CDH22: variants seen among roughly 807,000 people sequenced by gnomAD.
The protein encoded by CDH22 is cadherin 22, also known as cadherin-22.
CDH22 carries 30 observed loss-of-function variants against 58.4 expected under a neutral mutation model. The ratio of observed to expected loss-of-function variants is 0.51; its 90% CI spans 0.38 to 0.70. The LOEUF is 0.70. Among genes scored for constraint, CDH22 ranks in the 30% least tolerant of loss-of-function variants. The pLI, the probability that CDH22 is intolerant of heterozygous loss-of-function variation, is 0.00. For missense variants in CDH22, 1,014 were observed against 1,233.9 expected, an observed-to-expected ratio of 0.82 and a Z score of 2.67; for synonymous variants, 513 against 558.2, an observed-to-expected ratio of 0.92 and a Z score of 1.14.
chr20:46,199,968 T>C (rs2085944215), intron 7 of CDH22, among the ~76,000 whole-genome samples: 1 of 152,044 alleles, frequency 6.6e-6, no homozygotes, highest in Non-Finnish European at 1.5e-5. Flanking sequence ...GTTTATTTAT[T>C]TTATTTTATT....
At chr20:46,180,923 G>GTT (rs1323741083) in intron 10 of CDH22, among the ~76,000 whole-genome samples, 3 of 96,134 alleles carry the variant, frequency 3.1e-5, no homozygotes, top group African/African-American at 1.3e-4. Flanking sequence ...TTTAAAGTTT[G>GTT]TTTTGTGTGT....
intron 1 of CDH22, among the ~76,000 whole-genome samples, chr20:46,266,543 C>T (rs1438306040): frequency 6.6e-6 from 1 of 152,180 alleles, no homozygotes; most frequent in Non-Finnish European, 1.5e-5. Flanking sequence ...TCCCTTAGCC[C>T]CTTCTCTGTC....
chr20:46,263,406 C>CTA (rs1555806371), intron 1 of CDH22, among the ~76,000 whole-genome samples: 4 of 150,378 alleles, frequency 2.7e-5, no homozygotes, highest in Non-Finnish European at 4.4e-5. Flanking sequence ...GCCTTCCATT[C>CTA]TGTGTGTGTG....
intron 4 of CDH22, among the ~76,000 whole-genome samples, chr20:46,224,135 G>A (rs994855632): frequency 6.6e-6 from 1 of 152,206 alleles, no homozygotes; most frequent in Non-Finnish European, 1.5e-5. Flanking sequence ...TTACAGGCAT[G>A]AGTCACCATG....
At chr20:46,193,970 AGAGT>A (rs1459593567) in intron 8 of CDH22, among the ~76,000 whole-genome samples, 1 of 152,178 alleles carries the variant, frequency 6.6e-6, no homozygotes, top group Non-Finnish European at 1.5e-5. Context: ...CCTGGGTAAC[AGAGT>A]GAGAGCCCCC....
At chr20:46,263,371 G>T (rs1440913000) in intron 1 of CDH22, among the ~76,000 whole-genome samples, 1 of 151,746 alleles carries the variant, frequency 6.6e-6, no homozygotes, top group East Asian at 1.9e-4. Context: ...CAGTTAGAAA[G>T]TCAGACAAAG....
intron 4 of CDH22, among the ~76,000 whole-genome samples, chr20:46,223,876 T>C (rs1053453431): frequency 8.7e-5 from 13 of 148,928 alleles, no homozygotes; most frequent in Non-Finnish European, 1.6e-4. Flanking sequence ...CTTTTTGAGA[T>C]GGAGTCTTGC....
chr20:46,217,556 C>T (rs2086094630), intron 4 of CDH22, among the ~76,000 whole-genome samples: 1 of 152,158 alleles, frequency 6.6e-6, no homozygotes, highest in East Asian at 1.9e-4. Context: ...CATGCTGCCA[C>T]TCATACACTC....
intron 4 of CDH22, among the ~76,000 whole-genome samples, chr20:46,226,311 G>T (rs200226014): frequency 5.2e-5 from 7 of 133,662 alleles, no homozygotes; most frequent in African/African-American, 2.0e-4. Flanking sequence ...TTTGAGACAG[G>T]GTCTTGCTCT....
chr20:46,178,037 G>T lies in CDH22; in HGVS notation c.1824C>A (p.Ile608=). ...CAAAGGCCGTGGTGTTGCAGGACTG[G>T]ATGGTGCCGGAGCTGTCGCAGCCAC... is the stretch of plus-strand genomic sequence containing the variant. ...RICGCDSSGT[I]QSCNTTAFVM... The change falls in exon 11 of 12, where the codon ATC becomes ATA. Residue 608 remains isoleucine, a synonymous_variant. Coordinates refer to ENST00000537909, the MANE Select transcript of CDH22 (RefSeq NM_021248.3). 1 of 1,613,962 alleles carries T rather than the reference G, an allele frequency of 6.2e-7. No homozygotes were observed. The highest frequency in any genetic ancestry group is 8.5e-7 in the Non-Finnish European group (1 of 1,179,984).
At chr20:46,298,117 A>G (rs1347436912) in intron 1 of CDH22, among the ~76,000 whole-genome samples, 1 of 152,218 alleles carries the variant, frequency 6.6e-6, no homozygotes, top group Non-Finnish European at 1.5e-5. Context: ...TGTAATGATC[A>G]ATAAGGTTGT....
intron 1 of CDH22, among the ~76,000 whole-genome samples, chr20:46,268,749 A>G (rs1030073075): frequency 2.0e-5 from 3 of 152,248 alleles, no homozygotes; most frequent in African/African-American, 7.2e-5. Context: ...TAGTAACCCC[A>G]GCAATCATGA....
chr20:46,257,619 A>G (rs1309069010), intron 1 of CDH22, among the ~76,000 whole-genome samples: 1 of 152,168 alleles, frequency 6.6e-6, no homozygotes, highest in Non-Finnish European at 1.5e-5. Context: ...ACTGACCTTG[A>G]TGTGTTACAA....
chr20:46,233,634 G>A (rs982570253), intron 3 of CDH22, among the ~76,000 whole-genome samples: 1 of 152,198 alleles, frequency 6.6e-6, no homozygotes, highest in Admixed American at 6.5e-5. Context: ...ACAGGGCCTG[G>A]CATACAGAGA....
intron 1 of CDH22, among the ~76,000 whole-genome samples, chr20:46,298,560 C>T (rs1254062462): frequency 6.6e-6 from 1 of 151,878 alleles, no homozygotes; most frequent in African/African-American, 2.4e-5. Context: ...GAGGGGTGAA[C>T]TGCAGGCAGA....
rs938096924 is a variant in CDH22 at position 46,216,117 on chromosome 20, C to A, written c.838+709G>T. On this transcript the variant is annotated intron_variant, in intron 5 of 11. Transcript: ENST00000537909. This position sits in a 1 kb window ranked among gnomAD's most constrained non-coding sequence, Gnocchi z 5.3. ...CCGATAGGAATCAGCCCAGCTCCTG[C>A]GGCATTTAGTCCCTGCCAGCTTTGG... 6.6e-6 allele frequency among the ~76,000 whole-genome samples: 1 copy of A among 152,150 alleles called. No homozygotes were observed. The highest frequency in any genetic ancestry group is 6.5e-5 in the Admixed American group (1 of 15,278).
chr20:46,192,010 G>T (rs551292852), intron 8 of CDH22, among the ~76,000 whole-genome samples: 3 of 152,010 alleles, frequency 2.0e-5, no homozygotes, highest in Non-Finnish European at 4.4e-5. Context: ...TCTAGGAGAG[G>T]CCTCCCCTAA....
intron 3 of CDH22, among the ~76,000 whole-genome samples, chr20:46,228,368 C>T (rs571582481): frequency 1.4e-3 from 210 of 152,302 alleles, no homozygotes; most frequent in Non-Finnish European, 2.3e-3. Context: ...ATGCTCTGCA[C>T]GTAGACTGCT....
At position 46,254,554 on chromosome 20, in the gene CDH22, C is replaced by CAA. The variant is rs1257630029; in HGVS notation, c.-399-2863_-399-2862dup. On this transcript the variant is annotated intron_variant, in intron 1 of 11. Coordinates refer to ENST00000537909, the MANE Select transcript of CDH22 (RefSeq NM_021248.3). ...TGGGTGACAAAGTGAAATTCCATCT[C>CAA]AAAAAAAAAAAAAAAAAAAAAATTG... 2.6e-3 allele frequency among the ~76,000 whole-genome samples: 165 copies of CAA among 63,962 alleles called. 1 individual carries two copies. Among genetic ancestry groups the CAA allele is most frequent in the African/African-American group, 3.2e-3 (67 of 20,674 alleles). 42.0% of individuals were successfully genotyped at this position (63,962 alleles called of 152,430 possible). A position where few individuals can be genotyped will look rare whatever the true frequency, so the allele number is the denominator to read the frequency against.
Sources: allele counts gnomAD v4.1 joint callset (sites outside exome capture counted in the v4.1 genomes callset), GRCh38; gene constraint gnomAD v4.1.1; non-coding constraint Gnocchi (gnomAD v3.1); transcripts MANE v1.5; gene names NCBI Gene and HGNC (gene_info 2026-07-23, HGNC 2026-07-21).